The following F2 variants were observed in gnomAD, a reference collection of about 807,000 sequenced individuals.
The protein encoded by F2 is prothrombin.
Under a neutral mutation model 81.9 loss-of-function variants are expected in F2, and 34 were observed. The ratio of observed to expected loss-of-function variants is 0.42; its 90% CI spans 0.32 to 0.55. The LOEUF (loss-of-function observed/expected upper bound fraction) is 0.55. Among genes scored for constraint, F2 ranks in the 20% least tolerant of loss-of-function variants. The pLI, the probability that F2 is intolerant of heterozygous loss-of-function variation, is 0.18. For synonymous variants in F2, 296 were observed against 326.4 expected, an observed-to-expected ratio of 0.91 and a Z score of 1.01; for missense variants, 630 against 833.4, an observed-to-expected ratio of 0.76 and a Z score of 3.00.
In F2 at chr11:46,721,193, G is replaced by A. The variant is rs375683437; in HGVS notation, c.316+353G>A. Among the ~76,000 whole-genome samples the A allele has an allele frequency of 1.0e-4, 15 of 143,220 alleles. No individual in the cohort carries two copies. In the South Asian group the frequency reaches 2.9e-3, roughly 28 times the overall value. 94.0% of individuals were successfully genotyped at this position (143,220 alleles called of 152,430 possible). Reference sequence around the variant, plus strand: ...CAAGTAGCTGGGATTACAGGTGCTCGCCACCACGCCTGGCTAATTTTTGTA... The same window carrying A: ...CAAGTAGCTGGGATTACAGGTGCTCACCACCACGCCTGGCTAATTTTTGTA... On this transcript the variant is annotated intron_variant, in intron 4 of 13. Coordinates refer to ENST00000311907, the MANE Select transcript of F2 (RefSeq NM_000506.5).
At chr11:46,733,530 T>G (rs531325478) in intron 12 of F2, among the ~76,000 whole-genome samples, 1 of 152,110 alleles carries the variant, frequency 6.6e-6, no homozygotes, top group African/African-American at 2.4e-5. Flanking sequence ...AGAAGTGGTG[T>G]TGTTAGGTCA....
rs1252286633 is a variant in F2 at position 46,719,442 on chromosome 11, T to A, written c.79+128T>A. The A allele has an allele frequency of 8.6e-7, 1 of 1,165,016 alleles. No homozygotes were observed. The highest frequency in any genetic ancestry group is 1.3e-5 in the South Asian group (1 of 75,798). 72.2% of individuals were successfully genotyped at this position (1,165,016 alleles called of 1,614,324 possible). A position where few individuals can be genotyped will look rare whatever the true frequency, so the allele number is the denominator to read the frequency against. On this transcript the variant is annotated intron_variant, in intron 1 of 13. Transcript: ENST00000311907. This position sits in a 1 kb window ranked among gnomAD's most constrained non-coding sequence, Gnocchi z 4.7. ...TAGGTCTCAGCCCCAGGCGGCCAGC[T>A]TAGGGAAGAAGTCAGGAGCTCAGGG...
intron 12 of F2, among the ~76,000 whole-genome samples, chr11:46,732,135 C>T (rs1056765894): frequency 2.0e-5 from 3 of 151,588 alleles, no homozygotes; most frequent in African/African-American, 7.3e-5. Flanking sequence ...AGGATGGTCT[C>T]GAACTCCTGA....
At position 46,726,636 on chromosome 11, in the gene F2, T is replaced by C. The variant is rs2064875760; in HGVS notation, c.1003+10T>C. On this transcript the variant is annotated intron_variant, in intron 8 of 13. Transcript: ENST00000311907. This position sits in a 1 kb window ranked among gnomAD's most constrained non-coding sequence, Gnocchi z 5.9. ...GGCTCGGGAGAGGCAGGTGAGGTAG[T>C]GGGCATCCGAGGGGATGCGGGGCTG... 1.9e-6 allele frequency: 3 copies of C among 1,612,064 alleles called. No individual in the cohort carries two copies. The highest frequency in any genetic ancestry group is 1.3e-5 in the African/African-American group (1 of 75,068).
rs1318385998 is a variant in F2 at position 46,726,519 on chromosome 11, C to T, written c.896C>T (p.Thr299Ile). ...NYCEEAVEEE[T>I]GDGLDEDSDR... ...ACAGAGGAGGCCGTGGAGGAGGAGACAGGAGATGGGCTGGATGAGGACTCA... is the reference window on the plus strand; with the variant it reads ...ACAGAGGAGGCCGTGGAGGAGGAGATAGGAGATGGGCTGGATGAGGACTCA... The change falls in exon 8 of 14, where the codon ACA (threonine) becomes ATA (isoleucine). Residue 299 changes from threonine (T) to isoleucine (I), a missense_variant. By Grantham distance (89) the Thr-to-Ile change is moderately conservative. Coordinates refer to ENST00000311907, the MANE Select transcript of F2 (RefSeq NM_000506.5). The surrounding 1 kb of genome is among the most constrained non-coding windows in gnomAD (Gnocchi z 5.9). 6.2e-7 allele frequency: 1 copy of T among 1,613,962 alleles called. No individual in the cohort carries two copies.
rs1325277997 is a variant in F2 at position 46,739,249 on chromosome 11, C to T, written c.1726-16C>T. 6.2e-7 allele frequency: 1 copy of T among 1,613,748 alleles called. No homozygotes were observed. Among genetic ancestry groups the T allele is most frequent in the Admixed American group, 1.7e-5 (1 of 60,010 alleles). ...TTGAACTTGACTCTATTGGAAACCT[C>T]ATCTTTCTTCTTCAGAGCCCCTTTA... On this transcript the variant is annotated splice_polypyrimidine_tract_variant and intron_variant, in intron 13 of 13. Transcript: ENST00000311907.
rs145352722 is a variant in F2 at position 46,725,947 on chromosome 11, T to A, written c.648T>A (p.Asp216Glu). 1 of 1,613,782 alleles carries A rather than the reference T, an allele frequency of 6.2e-7. No individual in the cohort carries two copies. Among genetic ancestry groups the A allele is most frequent in the Non-Finnish European group, 8.5e-7 (1 of 1,180,024 alleles). Residue 216 changes from aspartate to glutamate, a missense_variant, in exon 7 of 14, where the codon GAT (aspartate) becomes GAA (glutamate). By Grantham distance (45) the Asp-to-Glu change is conservative. Coordinates refer to ENST00000311907, the MANE Select transcript of F2 (RefSeq NM_000506.5). ...LSPPLEQCVP[D>E]RGQQYQGRLA... ...CTCCATTGGAGCAGTGTGTCCCTGA[T>A]CGGGGGCAGCAGTACCAGGGGCGCC...
rs2282687 is a variant in F2 at position 46,729,851 on chromosome 11, T to C, written c.1654+290T>C. On this transcript the variant is annotated intron_variant, in intron 12 of 13. Coordinates refer to ENST00000311907, the MANE Select transcript of F2 (RefSeq NM_000506.5). ...CATTCATTCAGTCACTCAGCAAATA[T>C]TTATTGAGCGCCTATCACGTTCCAG... 0.14 allele frequency among the ~76,000 whole-genome samples: 21,490 copies of C among 152,018 alleles called. 2,474 individuals carry two copies. The highest frequency in any genetic ancestry group is 0.59 in the East Asian group (3,058 of 5,158).
Position 46,739,206 on chromosome 11 carries a change from G to A in F2, c.1726-59G>A, listed in dbSNP as rs3136516. 0.48 allele frequency: 776,545 copies of A among 1,613,514 alleles called. 197,768 individuals are homozygous for A. Among genetic ancestry groups the A allele is most frequent in the Non-Finnish European group, 0.53 (621,176 of 1,179,626 alleles). ...GTATCTAGAAACAGTTGCCTGGCAG[G>A]GGAATACTGATGTGACCTTGAACTT... On this transcript the variant is annotated intron_variant, in intron 13 of 13. Coordinates refer to ENST00000311907, the MANE Select transcript of F2 (RefSeq NM_000506.5).
At chr11:46,738,413 C>T (rs1356010045) in intron 12 of F2, among the ~76,000 whole-genome samples, 1 of 152,076 alleles carries the variant, frequency 6.6e-6, no homozygotes, top group Non-Finnish European at 1.5e-5. Context: ...CCTCATCAGA[C>T]TTGTAGGTCT....
intron 12 of F2, among the ~76,000 whole-genome samples, chr11:46,736,061 G>C (rs1462490328): frequency 6.6e-6 from 1 of 151,898 alleles, no homozygotes; most frequent in Non-Finnish European, 1.5e-5. Context: ...AAATTAGCCT[G>C]GCATGGTGGT....
chr11:46,724,427 G>A (rs955260657), intron 6 of F2, among the ~76,000 whole-genome samples: 6 of 152,152 alleles, frequency 3.9e-5, no homozygotes, highest in Admixed American at 2.6e-4. Context: ...CTCCACGTGC[G>A]TTCATGCTGG....
At position 46,719,937 on chromosome 11, in the gene F2, G is replaced by T. The variant is rs2064825812; in HGVS notation, c.240+75G>T. ...TCTAGACACTTCCACAGAGAAGCAAGCGAGGAACGCCACAGCCCCTTCGCT... is the reference window on the plus strand; with the variant it reads ...TCTAGACACTTCCACAGAGAAGCAATCGAGGAACGCCACAGCCCCTTCGCT... On this transcript the variant is annotated intron_variant, in intron 2 of 13. Transcript: ENST00000311907. This position sits in a 1 kb window ranked among gnomAD's most constrained non-coding sequence, Gnocchi z 4.7. 5 of 1,520,692 alleles carry T rather than the reference G, an allele frequency of 3.3e-6. No homozygotes were observed. In the South Asian group the frequency reaches 4.8e-5, roughly 15 times the overall value. 94.2% of individuals were successfully genotyped at this position (1,520,692 alleles called of 1,614,324 possible).
rs932752678 is a variant in F2, at chr11:46,728,743, G to A, written c.1378G>A (p.Asp460Asn). The change falls in exon 11 of 14, where the codon GAC becomes AAC. Residue 460 changes from aspartate to asparagine, a missense_variant. Transcript: ENST00000311907. The surrounding 1 kb of genome is among the most constrained non-coding windows in gnomAD (Gnocchi z 5.1). ...HPRYNWRENL[D>N]RDIALMKLKK... ...CAGGTACAACTGGCGGGAGAACCTG[G>A]ACCGGGACATTGCCCTGATGAAGCT... 6.2e-7 allele frequency: 1 copy of A among 1,614,244 alleles called. No homozygotes were observed.
chr11:46,732,192 G>A (rs766161320), intron 12 of F2, among the ~76,000 whole-genome samples: 4 of 152,126 alleles, frequency 2.6e-5, no homozygotes, highest in African/African-American at 9.6e-5. Context: ...GGGATTACAG[G>A]TGTGAGCCAA....
intron 12 of F2, among the ~76,000 whole-genome samples, chr11:46,731,433 G>C (rs905760931): frequency 6.6e-6 from 1 of 151,832 alleles, no homozygotes; most frequent in African/African-American, 2.4e-5. Context: ...CACCCACCTC[G>C]GCTTCCCAAA....
At chr11:46,735,961 T>G (rs1450923729) in intron 12 of F2, among the ~76,000 whole-genome samples, 2 of 151,760 alleles carry the variant, frequency 1.3e-5, no homozygotes, top group Admixed American at 6.6e-5. Context: ...TCCCAGCACT[T>G]TGGGAGGCCG....
In F2 at chr11:46,719,610, C is replaced by A; in HGVS notation, c.80-92C>A. The A allele has an allele frequency of 6.7e-7, 1 of 1,487,280 alleles. No homozygotes were observed. The highest frequency in any genetic ancestry group is 9.1e-7 in the Non-Finnish European group (1 of 1,096,072). The allele number at this position is 1,487,280 out of a possible 1,614,324, so 92.1% of individuals were successfully genotyped here. A position where few individuals can be genotyped will look rare whatever the true frequency, so the allele number is the denominator to read the frequency against. On this transcript the variant is annotated intron_variant, in intron 1 of 13. Coordinates refer to ENST00000311907, the MANE Select transcript of F2 (RefSeq NM_000506.5). This position sits in a 1 kb window ranked among gnomAD's most constrained non-coding sequence, Gnocchi z 4.7. ...CCAGACAGCCTCTCTCAGAAGCCAGCAGGGGAGGGTGGGCTTGCTTCATGC... is the reference window on the plus strand; with the variant it reads ...CCAGACAGCCTCTCTCAGAAGCCAGAAGGGGAGGGTGGGCTTGCTTCATGC...
intron 4 of F2, among the ~76,000 whole-genome samples, chr11:46,722,596 A>G (rs1159913240): frequency 6.6e-6 from 1 of 152,236 alleles, no homozygotes; most frequent in Non-Finnish European, 1.5e-5. Context: ...CAAAATACAT[A>G]AATAAAAATA....
Sources: gnomAD v4.1 joint callset for allele counts (sites outside exome capture counted in the v4.1 genomes callset) on GRCh38, gnomAD v4.1.1 for gene constraint, Gnocchi (gnomAD v3.1) non-coding constraint, MANE v1.5 for transcripts, NCBI Gene and HGNC (gene_info 2026-07-23, HGNC 2026-07-21) for gene names.